CACNA2D3: variants seen among roughly 807,000 people sequenced by gnomAD.
CACNA2D3 encodes calcium voltage-gated channel auxiliary subunit alpha2delta 3, also known as voltage-dependent calcium channel subunit alpha-2/delta-3.
A neutral mutation model predicts 160.6 loss-of-function variants in CACNA2D3; 60 were observed. The observed-to-expected ratio is 0.37, with a 90% confidence interval of 0.30 to 0.46. CACNA2D3 has a LOEUF of 0.46. CACNA2D3 is among the 20% of genes least tolerant of loss of function. CACNA2D3 has a pLI of 1.00. For missense variants in CACNA2D3, 1,205 were observed against 1,365.0 expected (o/e 0.88, Z 1.85); for synonymous variants, 558 against 492.9 (o/e 1.13, Z -1.75).
chr3:54,646,176 CTCCCTCCCTCCTTCCTTGCTTCCT>C lies in CACNA2D3; in HGVS notation c.1167+3939_1167+3962del, dbSNP rs1559537915. ...CCTCCCTCCCTCCCTCCCTCCCTCC[CTCCCTCCCTCCTTCCTTGCTTCCT>C]TCCTTCCTTCCTTCCTTCCTTCCTT... On this transcript the variant is annotated intron_variant, in intron 11 of 37. Coordinates refer to ENST00000474759, the MANE Select transcript of CACNA2D3 (RefSeq NM_018398.3). Among the ~76,000 whole-genome samples the C allele has an allele frequency of 1.2e-3, 30 of 25,680 alleles. 5 individuals are homozygous for C. In the South Asian group the frequency reaches 0.013, roughly 11 times the overall value. 16.8% of individuals were successfully genotyped at this position (25,680 alleles called of 152,430 possible).
chr3:55,009,292 A>T, intron 33 of CACNA2D3, 96 bp from the exon 34 acceptor site: 1 of 1,048,090 alleles, frequency 9.5e-7, no homozygotes, highest in Non-Finnish European at 1.5e-6. Flanking sequence ...ATGTTCTCAA[A>T]TGAGGTAAGC....
chr3:54,405,998 A>C (rs547391842), intron 4 of CACNA2D3, among the ~76,000 whole-genome samples: 2 of 152,264 alleles, frequency 1.3e-5, no homozygotes, highest in East Asian at 3.9e-4. Context: ...ACTGTGCAAT[A>C]TCACTTCACA....
chr3:54,994,070 G>C (rs1379003001), intron 31 of CACNA2D3, among the ~76,000 whole-genome samples: 1 of 152,032 alleles, frequency 6.6e-6, no homozygotes, highest in African/African-American at 2.4e-5. Flanking sequence ...CCCCACAAGT[G>C]TTCATTAACA....
At chr3:54,379,631 G>T (rs1699067014) in intron 3 of CACNA2D3, among the ~76,000 whole-genome samples, 1 of 152,126 alleles carries the variant, frequency 6.6e-6, no homozygotes, top group African/African-American at 2.4e-5. Context: ...AGGTCCCAGA[G>T]CACTAGCTGT....
intron 2 of CACNA2D3, among the ~76,000 whole-genome samples, chr3:54,195,931 C>T (rs770193790): frequency 5.3e-5 from 8 of 152,234 alleles, no homozygotes; most frequent in Non-Finnish European, 1.2e-4. Context: ...ACACATTTTA[C>T]AATTTCATAC....
intron 4 of CACNA2D3, among the ~76,000 whole-genome samples, chr3:54,407,047 A>G (rs1699589377): frequency 6.6e-6 from 1 of 152,288 alleles, no homozygotes; most frequent in East Asian, 1.9e-4. Flanking sequence ...GGGGAAAACT[A>G]TATTGTAAAC....
At chr3:54,725,883 A>G (rs993705716) in intron 11 of CACNA2D3, among the ~76,000 whole-genome samples, 2 of 152,196 alleles carry the variant, frequency 1.3e-5, no homozygotes, top group African/African-American at 4.8e-5. Context: ...CACCACTCCT[A>G]TTCAACATAG....
At chr3:54,291,492 A>G (rs562506482) in intron 2 of CACNA2D3, among the ~76,000 whole-genome samples, 17 of 152,046 alleles carry the variant, frequency 1.1e-4, no homozygotes, top group Non-Finnish European at 1.2e-4. Flanking sequence ...ACCTCTTGTC[A>G]TTTTTGCTGT....
In CACNA2D3 at chr3:54,885,303, C is replaced by T. The variant is rs779247207; in HGVS notation, c.1935C>T (p.Pro645=). ...CAGGCCTGCATGACTTAGAACATCCCGATGTGTCCTTGGCAGATGAATGGT... is the reference window on the plus strand; with the variant it reads ...CAGGCCTGCATGACTTAGAACATCCTGATGTGTCCTTGGCAGATGAATGGT... ...IEEGLHDLEH[P]DVSLADEWSY... The change falls in exon 22 of 38, where the codon CCC becomes CCT. Residue 645 remains proline (P), a synonymous_variant. Coordinates refer to ENST00000474759, the MANE Select transcript of CACNA2D3 (RefSeq NM_018398.3). 41 of 1,613,888 alleles carry T rather than the reference C, an allele frequency of 2.5e-5. No homozygotes were observed. Among genetic ancestry groups the T allele is most frequent in the South Asian group, 5.5e-5 (5 of 91,066 alleles).
chr3:54,481,655 A>G (rs1488750808), intron 4 of CACNA2D3, among the ~76,000 whole-genome samples: 1 of 152,176 alleles, frequency 6.6e-6, no homozygotes, highest in Admixed American at 6.5e-5. Context: ...AGACATTCTC[A>G]TTTTATTCCA....
chr3:55,019,957 TCA>T (rs1472341955), intron 35 of CACNA2D3, among the ~76,000 whole-genome samples: 1 of 152,132 alleles, frequency 6.6e-6, no homozygotes, highest in African/African-American at 2.4e-5. Context: ...TTCAGTACAT[TCA>T]CAGTGTTGTG....
At chr3:54,549,924 C>G (rs556114212) in intron 5 of CACNA2D3, among the ~76,000 whole-genome samples, 72 of 152,320 alleles carry the variant, frequency 4.7e-4, no homozygotes, top group African/African-American at 1.3e-3. Flanking sequence ...ATTTCTTTCT[C>G]TCTTCCGAAA....
At chr3:54,423,051 G>A (rs1559477442) in intron 4 of CACNA2D3, among the ~76,000 whole-genome samples, 1 of 152,162 alleles carries the variant, frequency 6.6e-6, no homozygotes, top group Non-Finnish European at 1.5e-5. Flanking sequence ...AAAGGCAGAG[G>A]CAGGATTCAG....
chr3:54,769,533 A>G (rs1165751761), intron 13 of CACNA2D3, among the ~76,000 whole-genome samples: 2 of 152,170 alleles, frequency 1.3e-5, no homozygotes, highest in Non-Finnish European at 2.9e-5. Flanking sequence ...ACTTTAAGCC[A>G]GTTACTTAGC....
intron 4 of CACNA2D3, among the ~76,000 whole-genome samples, chr3:54,389,864 A>G (rs1699250969): frequency 6.6e-6 from 1 of 152,246 alleles, no homozygotes; most frequent in Non-Finnish European, 1.5e-5. Context: ...CCTGAACTAG[A>G]AAACAAAGTT....
In CACNA2D3 at chr3:54,572,085, C is replaced by T. The variant is rs548349456; in HGVS notation, c.888+1981C>T. 7.6e-3 allele frequency among the ~76,000 whole-genome samples: 982 copies of T among 129,640 alleles called. 15 individuals are homozygous for T. The highest frequency in any genetic ancestry group is 0.036 in the East Asian group (169 of 4,720). 85.0% of individuals were successfully genotyped at this position (129,640 alleles called of 152,430 possible). ...ATGACTGGGCTGCCTTCTGCATAGG[C>T]GTGACACCCACTTGTGTTCTCCAGG... On this transcript the variant is annotated intron_variant, in intron 8 of 37. Transcript: ENST00000474759.
intron 35 of CACNA2D3, among the ~76,000 whole-genome samples, chr3:55,030,912 A>G (rs1231807443): frequency 6.6e-6 from 1 of 152,130 alleles, no homozygotes; most frequent in East Asian, 1.9e-4. Flanking sequence ...ATGATATAAA[A>G]TGAGAGGGGC....
chr3:54,727,869 G>T (rs1426720765), intron 11 of CACNA2D3, among the ~76,000 whole-genome samples: 1 of 152,034 alleles, frequency 6.6e-6, no homozygotes, highest in African/African-American at 2.4e-5. Context: ...TAACAAAACT[G>T]CATGTTCTGC....
chr3:54,568,086 A>C (rs1702437530), intron 6 of CACNA2D3, among the ~76,000 whole-genome samples: 2 of 152,116 alleles, frequency 1.3e-5, no homozygotes, highest in African/African-American at 4.8e-5. Flanking sequence ...ATGTGGCTTG[A>C]CCTTCAGTCT....
Sources: gnomAD v4.1 joint callset for allele counts (sites outside exome capture counted in the v4.1 genomes callset) on GRCh38, gnomAD v4.1.1 for gene constraint, MANE v1.5 for transcripts, NCBI Gene and HGNC (gene_info 2026-07-23, HGNC 2026-07-21) for gene names.